STAB2: variants seen among roughly 807,000 people sequenced by gnomAD.
STAB2 encodes stabilin 2.
Under a neutral mutation model 338.1 loss-of-function variants are expected in STAB2, and 288 were observed. The ratio of observed to expected loss-of-function variants is 0.85; its 90% CI spans 0.77 to 0.94. The LOEUF is 0.94. Ranked by LOEUF, STAB2 falls within the 40% of genes least tolerant of loss-of-function variation. The pLI is 0.00. For missense variants in STAB2, 3,141 were observed against 3,210.1 expected, an observed-to-expected ratio of 0.98 and a Z score of 0.52; for synonymous variants, 1,202 against 1,193.3, an observed-to-expected ratio of 1.01 and a Z score of -0.15.
intron 34 of STAB2, among the ~76,000 whole-genome samples, chr12:103,701,694 A>G (rs1878885482): frequency 6.6e-6 from 1 of 152,186 alleles, no homozygotes; most frequent in African/African-American, 2.4e-5. Context: ...TACAATCACC[A>G]TTTGAGACTA....
intron 38 of STAB2, among the ~76,000 whole-genome samples, chr12:103,708,092 A>G (rs1283311870): frequency 6.6e-6 from 1 of 152,160 alleles, no homozygotes; most frequent in African/African-American, 2.4e-5. Context: ...TCCATTCTTA[A>G]GGGGCAAACG....
intron 44 of STAB2, among the ~76,000 whole-genome samples, chr12:103,720,408 C>T (rs1880669903): frequency 6.6e-6 from 1 of 152,186 alleles, no homozygotes; most frequent in Non-Finnish European, 1.5e-5. Context: ...AGACCCAAAT[C>T]ATATTGCTGC....
In STAB2 at chr12:103,675,852, C is replaced by T. The variant is rs147984423; in HGVS notation, c.2553-76C>T. 2,587 of 1,192,630 alleles carry T rather than the reference C, an allele frequency of 2.2e-3. 48 individuals are homozygous for T. The African/African-American group carries it at 0.035, about 16-fold the overall frequency. 73.9% of individuals were successfully genotyped at this position (1,192,630 alleles called of 1,614,324 possible). On this transcript the variant is annotated intron_variant, in intron 23 of 68. Transcript: ENST00000388887. ...GGAGCCATTTGGCCAGGAACTGGCT[C>T]ATCTCTAGCTGGCTGGCTCTCTTCT...
chr12:103,673,911 C>T lies in STAB2; in HGVS notation c.2376C>T (p.Cys792=), dbSNP rs1449571228. The T allele has an allele frequency of 6.2e-7, 1 of 1,611,040 alleles. No individual in the cohort carries two copies. Among genetic ancestry groups the T allele is most frequent in the Admixed American group, 1.7e-5 (1 of 59,970 alleles). The change falls in exon 23 of 69, where the codon TGC becomes TGT. Residue 792 remains cysteine (C), a synonymous_variant. Coordinates refer to ENST00000388887, the MANE Select transcript of STAB2 (RefSeq NM_017564.10). ...TCCCTCCTCCTCCTCTTTCAGAATG[C>T]CTGTGCGTTCACGGAACATGCAATA... ...NKYGPRCNKK[C]LCVHGTCNNR...
At chr12:103,596,457 A>G (rs1308332194) in intron 3 of STAB2, among the ~76,000 whole-genome samples, 1 of 152,310 alleles carries the variant, frequency 6.6e-6, no homozygotes, top group South Asian at 2.1e-4. Context: ...CCTACTCCTT[A>G]TTCTCCTCAT....
intron 15 of STAB2, 137 bp from the exon 16 acceptor site, chr12:103,660,194 G>A (rs1298780984): frequency 7.8e-6 from 7 of 894,340 alleles, no homozygotes; most frequent in Non-Finnish European, 1.3e-5. Flanking sequence ...TGGAGGTGGG[G>A]TTTCTCTCAC....
intron 10 of STAB2, among the ~76,000 whole-genome samples, chr12:103,649,238 C>T (rs566768817): frequency 6.6e-6 from 1 of 152,272 alleles, no homozygotes; most frequent in African/African-American, 2.4e-5. Context: ...GGGCAGCATC[C>T]TTGTTCCTCA....
intron 63 of STAB2, among the ~76,000 whole-genome samples, chr12:103,757,010 T>A (rs796518044): frequency 0.66 from 90,113 of 137,482 alleles, 29,496 homozygotes; most frequent in African/African-American, 0.75. Flanking sequence ...TATATATATA[T>A]ATATATATAT....
chr12:103,695,954 C>A (rs1878367998), intron 33 of STAB2, 110 bp downstream of exon 33: 3 of 1,033,514 alleles, frequency 2.9e-6, no homozygotes, highest in South Asian at 2.8e-5. Flanking sequence ...TTGTCCATAG[C>A]CACATACTTG....
intron 30 of STAB2, among the ~76,000 whole-genome samples, chr12:103,691,849 G>A (rs1396547107): frequency 6.9e-6 from 1 of 145,370 alleles, no homozygotes; most frequent in Non-Finnish European, 1.5e-5. Flanking sequence ...GATTTCAACT[G>A]GGGAGAAGAG....
intron 51 of STAB2, among the ~76,000 whole-genome samples, chr12:103,734,985 T>C (rs903899494): frequency 6.6e-6 from 1 of 152,192 alleles, no homozygotes; most frequent in African/African-American, 2.4e-5. Context: ...TTCTTTCTTA[T>C]AAGAACACCA....
intron 3 of STAB2, among the ~76,000 whole-genome samples, chr12:103,611,052 A>G (rs1181865070): frequency 1.3e-5 from 2 of 152,294 alleles, no homozygotes; most frequent in East Asian, 1.9e-4. Context: ...GGTCTGAGAG[A>G]CAGTTTGTTA....
intron 19 of STAB2, among the ~76,000 whole-genome samples, chr12:103,666,611 T>A (rs1875130761): frequency 6.6e-6 from 1 of 152,224 alleles, no homozygotes; most frequent in South Asian, 2.1e-4. Context: ...ACAAAAAGAT[T>A]CACATAGATA....
chr12:103,593,531 G>A (rs767379260), intron 2 of STAB2, among the ~76,000 whole-genome samples: 2 of 152,222 alleles, frequency 1.3e-5, no homozygotes, highest in South Asian at 2.1e-4. Flanking sequence ...GCCCACCTTC[G>A]TGAAGAAGTG....
At chr12:103,662,301 A>C (rs1874692094) in intron 17 of STAB2, among the ~76,000 whole-genome samples, 1 of 152,172 alleles carries the variant, frequency 6.6e-6, no homozygotes, top group African/African-American at 2.4e-5. Context: ...GACTTGAGCA[A>C]CCAGAAGAAT....
chr12:103,672,514 T>C (rs969526129), intron 22 of STAB2, among the ~76,000 whole-genome samples: 1 of 152,170 alleles, frequency 6.6e-6, no homozygotes. Flanking sequence ...CAATTCTTTT[T>C]TGCTTTAAGT....
intron 5 of STAB2, among the ~76,000 whole-genome samples, 156 bp from the exon 6 acceptor site, chr12:103,631,441 TA>T (rs10668571): frequency 7.4e-5 from 11 of 148,020 alleles, no homozygotes; most frequent in African/African-American, 1.5e-4. Context: ...ATGTTAAACT[TA>T]AAAAAAAAAA....
chr12:103,685,437 TGTGTGTGTGTGTGTGTGCGCGTGC>T (rs1483735786), intron 27 of STAB2, among the ~76,000 whole-genome samples: 2 of 148,868 alleles, frequency 1.3e-5, no homozygotes, highest in South Asian at 2.1e-4. Flanking sequence ...TGTGTGTGTG[TGTGTGTGTGTGTGTGTGCGCGTGC>T]GTGTGTGTGT....
At chr12:103,639,548 C>T (rs534704823) in intron 8 of STAB2, among the ~76,000 whole-genome samples, 11 of 151,670 alleles carry the variant, frequency 7.3e-5, no homozygotes, top group African/African-American at 2.4e-4. Context: ...ACTAAAAATA[C>T]AAAAAATTAG....
Sources: allele counts gnomAD v4.1 joint callset (sites outside exome capture counted in the v4.1 genomes callset), GRCh38; gene constraint gnomAD v4.1.1; transcripts MANE v1.5; gene names NCBI Gene and HGNC (gene_info 2026-07-23, HGNC 2026-07-21).